The following UFM1 variants were observed in gnomAD, a reference collection of about 807,000 sequenced individuals.
UFM1 encodes the protein ubiquitin-fold modifier 1.
UFM1 carries 9 observed loss-of-function variants against 15.4 expected under a neutral mutation model. The observed-to-expected ratio is 0.59, with a 90% CI of 0.35 to 1.02. The LOEUF (loss-of-function observed/expected upper bound fraction) is 1.02. Ranked by LOEUF, UFM1 falls within the 50% of genes least tolerant of loss-of-function variation. UFM1 has a pLI of 0.02. For missense variants in UFM1, 98 were observed against 104.7 expected (o/e 0.94, Z 0.28); for synonymous variants, 27 against 36.3 (o/e 0.74, Z 0.92).
rs1354998596 is a variant in UFM1 at position 38,362,593 on chromosome 13, G to T, written c.*1815G>T. 6.6e-6 allele frequency: 1 copy of T among 151,784 alleles called. No homozygotes were observed. The highest frequency in any genetic ancestry group is 1.9e-4 in the East Asian group (1 of 5,176). 9.4% of individuals were successfully genotyped at this position (151,784 alleles called of 1,614,324 possible). A position where few individuals can be genotyped will look rare whatever the true frequency, so the allele number is the denominator to read the frequency against. On this transcript the variant is annotated 3_prime_UTR_variant, in exon 6 of 6. Coordinates refer to ENST00000239878, the MANE Select transcript of UFM1 (RefSeq NM_016617.4). ...TTTTTGTATTTTTAGCAGAGACAGGGAGGAAGTTTTTATTTTTATAAACAA... is the reference window on the plus strand; with the variant it reads ...TTTTTGTATTTTTAGCAGAGACAGGTAGGAAGTTTTTATTTTTATAAACAA...
In UFM1 at chr13:38,356,972, C is replaced by G. The variant is rs76076656; in HGVS notation, c.118-1121C>G. On this transcript the variant is annotated intron_variant, in intron 3 of 5. Transcript: ENST00000239878. ...GGTCTCTTTAAGAGATGGAATCTACCTTTTAGCTACCAATAAATTCCATAC... is the reference window on the plus strand; with the variant it reads ...GGTCTCTTTAAGAGATGGAATCTACGTTTTAGCTACCAATAAATTCCATAC... Among the ~76,000 whole-genome samples, 1,323 of 151,962 alleles carry G rather than the reference C, an allele frequency of 8.7e-3. 20 individuals carry two copies. The highest frequency in any genetic ancestry group is 0.031 in the African/African-American group (1,272 of 41,520).
chr13:38,354,960 T>G (rs1879032128), intron 3 of UFM1: 1 of 151,982 alleles, frequency 6.6e-6, no homozygotes, highest in African/African-American at 2.4e-5. Context: ...TCCCTCTTTT[T>G]TATTCTGCAA....
chr13:38,360,064 T>C, intron 5 of UFM1: 1 of 397,488 alleles, frequency 2.5e-6, no homozygotes, highest in South Asian at 1.9e-5. Flanking sequence ...AATTCAGCCA[T>C]AAAGAAAATG....
At chr13:38,358,543 C>T (rs992556050) in intron 4 of UFM1, among the ~76,000 whole-genome samples, 1 of 151,422 alleles carries the variant, frequency 6.6e-6, no homozygotes, top group African/African-American at 2.4e-5. Flanking sequence ...AATTTTATTC[C>T]GTTTTAGGTA....
intron 3 of UFM1, among the ~76,000 whole-genome samples, chr13:38,357,857 G>T (rs1309321660): frequency 6.6e-6 from 1 of 151,764 alleles, no homozygotes; most frequent in Non-Finnish European, 1.5e-5. Context: ...CTGAGGAGAA[G>T]GAAGAGGAAG....
At position 38,349,984 on chromosome 13, in the gene UFM1, C is replaced by G; in HGVS notation, c.3-15C>G. On this transcript the variant is annotated splice_polypyrimidine_tract_variant and intron_variant, in intron 1 of 5. Coordinates refer to ENST00000239878, the MANE Select transcript of UFM1 (RefSeq NM_016617.4). ...CAGCTGCCCGACCCTGACTCTCTCC[C>G]GCTCTTTTCCTCAGGTCGAAGGTTT... The G allele has an allele frequency of 6.2e-7, 1 of 1,614,050 alleles. No individual in the cohort carries two copies. Among genetic ancestry groups the G allele is most frequent in the Non-Finnish European group, 8.5e-7 (1 of 1,179,890 alleles).
At chr13:38,360,167 T>G in intron 5 of UFM1, 1 of 279,428 alleles carries the variant, frequency 3.6e-6, no homozygotes, top group Non-Finnish European at 7.1e-6. Flanking sequence ...AGGCACTTTA[T>G]TGTATGGATG....
rs934030240 is a variant in UFM1, at chr13:38,362,151, C to T, written c.*1373C>T. 3 of 152,154 alleles carry T rather than the reference C, an allele frequency of 2.0e-5. No homozygotes were observed. The highest frequency in any genetic ancestry group is 7.2e-5 in the African/African-American group (3 of 41,436). 9.4% of individuals were successfully genotyped at this position (152,154 alleles called of 1,614,324 possible). On this transcript the variant is annotated 3_prime_UTR_variant, in exon 6 of 6. Coordinates refer to ENST00000239878, the MANE Select transcript of UFM1 (RefSeq NM_016617.4). Reference sequence around the variant, plus strand: ...TGAACTCTGGAAGCAGGGATTGTGTCTGGCTCTTTTTAGAGCTGGAAATGT... The same window carrying T: ...TGAACTCTGGAAGCAGGGATTGTGTTTGGCTCTTTTTAGAGCTGGAAATGT...
At chr13:38,358,013 A>T in intron 3 of UFM1, 80 bp from the exon 4 acceptor site, 1 of 653,704 alleles carries the variant, frequency 1.5e-6, no homozygotes, top group Non-Finnish European at 2.3e-6. Context: ...TTTGTACCCC[A>T]TTCTTGCTAA....
At chr13:38,355,152 C>T (rs977980681) in intron 3 of UFM1, among the ~76,000 whole-genome samples, 1 of 151,982 alleles carries the variant, frequency 6.6e-6, no homozygotes, top group African/African-American at 2.4e-5. Context: ...ATTTTCTTAA[C>T]TACATTAATA....
chr13:38,360,652 G>A, intron 5 of UFM1, 59 bp from the exon 6 acceptor site: 1 of 1,270,116 alleles, frequency 7.9e-7, no homozygotes. Context: ...ATAATTGTCA[G>A]AATATTAAGA....
chr13:38,360,697 G>C lies in UFM1; in HGVS notation c.191-14G>C. 1 of 1,580,940 alleles carries C rather than the reference G, an allele frequency of 6.3e-7. No homozygotes were observed. Among genetic ancestry groups the C allele is most frequent in the Non-Finnish European group, 8.6e-7 (1 of 1,158,366 alleles). ...TTTTAGATATCTAACTTTATGTTTT[G>C]TTTGTTTGTATAGGAAATGTTTTTC... On this transcript the variant is annotated splice_polypyrimidine_tract_variant and intron_variant, in intron 5 of 5. Transcript: ENST00000239878.
At chr13:38,359,380 C>T (rs1879271447) in intron 5 of UFM1, 47 bp downstream of exon 5, 1 of 1,583,174 alleles carries the variant, frequency 6.3e-7, no homozygotes. Context: ...TTATATATGT[C>T]AATTGACACT....
intron 3 of UFM1, among the ~76,000 whole-genome samples, chr13:38,356,008 G>A (rs941229180): frequency 3.3e-5 from 5 of 151,896 alleles, no homozygotes; most frequent in South Asian, 2.1e-4. Context: ...ATGGGGGATC[G>A]GAGGAGGAAA....
chr13:38,355,267 A>G (rs1879045101), intron 3 of UFM1, among the ~76,000 whole-genome samples: 1 of 151,994 alleles, frequency 6.6e-6, no homozygotes, highest in South Asian at 2.1e-4. Flanking sequence ...AATCACTAAC[A>G]TTATTTGTCA....
chr13:38,350,094 C>G, intron 2 of UFM1, 39 bp downstream of exon 2: 3 of 1,614,232 alleles, frequency 1.9e-6, no homozygotes, highest in Non-Finnish European at 2.5e-6. Flanking sequence ...TGGGGCCGGA[C>G]AAGACGGGGC....
intron 2 of UFM1, among the ~76,000 whole-genome samples, chr13:38,351,442 A>G (rs1878844428): frequency 6.6e-6 from 1 of 152,230 alleles, no homozygotes; most frequent in African/African-American, 2.4e-5. Context: ...CTTGCTATCA[A>G]GCCATCAGAG....
chr13:38,363,185 A>T lies in UFM1; in HGVS notation c.*2407A>T, dbSNP rs1318547642. 2 of 152,220 alleles carry T rather than the reference A, an allele frequency of 1.3e-5. No homozygotes were observed. The highest frequency in any genetic ancestry group is 1.5e-5 in the Non-Finnish European group (1 of 68,034). The allele number at this position is 152,220 out of a possible 1,614,324, so 9.4% of individuals were successfully genotyped here. The stretch of plus-strand genomic sequence containing the variant: ...TTTCGTCCAACAACAGACCGCATAT[A>T]TGACCGTGGTCCCATATTACTATAT... On this transcript the variant is annotated 3_prime_UTR_variant, in exon 6 of 6. Coordinates refer to ENST00000239878, the MANE Select transcript of UFM1 (RefSeq NM_016617.4).
chr13:38,359,835 TA>T (rs1879289452), intron 5 of UFM1: 1 of 173,224 alleles, frequency 5.8e-6, no homozygotes, highest in Non-Finnish European at 1.2e-5. Context: ...GGAGACAGGG[TA>T]AAAGTAGTCT....
Sources: allele counts gnomAD v4.1 joint callset (sites outside exome capture counted in the v4.1 genomes callset), GRCh38; gene constraint gnomAD v4.1.1; transcripts MANE v1.5; gene names NCBI Gene and HGNC (gene_info 2026-07-23, HGNC 2026-07-21).